The following SSBP2 variants were observed in gnomAD, a reference collection of about 807,000 sequenced individuals.
SSBP2 encodes single-stranded DNA-binding protein 2.
SSBP2 carries 17 observed loss-of-function variants against 61.8 expected under a neutral mutation model. The ratio of observed to expected loss-of-function variants is 0.28; its 90% CI spans 0.19 to 0.41. The LOEUF (loss-of-function observed/expected upper bound fraction) is 0.41. Ranked by LOEUF, SSBP2 falls within the 10% of genes least tolerant of loss-of-function variation. The probability of loss-of-function intolerance (pLI) is 1.00; values close to 1 mark genes in which losing one functional copy is unlikely to be tolerated. For synonymous variants in SSBP2, 139 were observed against 141.3 expected (o/e 0.98, Z 0.12); for missense variants, 310 against 458.7 (o/e 0.68, Z 2.96).
intron 4 of SSBP2, among the ~76,000 whole-genome samples, chr5:81,520,470 T>G (rs141086496): frequency 1.3e-5 from 2 of 152,238 alleles, no homozygotes; most frequent in Admixed American, 1.3e-4. Context: ...ATTCAATGAT[T>G]TACGAAAAAA....
At chr5:81,671,464 AT>A (rs758524532) in intron 1 of SSBP2, among the ~76,000 whole-genome samples, 4 of 152,136 alleles carry the variant, frequency 2.6e-5, no homozygotes, top group Admixed American at 6.6e-5. Flanking sequence ...CTAATTCAGA[AT>A]TTGTGGCAAT....
intron 2 of SSBP2, among the ~76,000 whole-genome samples, chr5:81,638,266 G>GA (rs909308692): frequency 2.5e-4 from 36 of 145,992 alleles, no homozygotes; most frequent in Admixed American, 4.7e-4. Flanking sequence ...TAATAAATTT[G>GA]AAAAAAAAGG....
intron 4 of SSBP2, among the ~76,000 whole-genome samples, chr5:81,533,839 G>A (rs1393819873): frequency 6.6e-6 from 1 of 152,064 alleles, no homozygotes; most frequent in Non-Finnish European, 1.5e-5. Context: ...AATAATTCTA[G>A]GGTAACTCAG....
intron 4 of SSBP2, among the ~76,000 whole-genome samples, chr5:81,570,629 TG>T (rs1355684041): frequency 6.6e-6 from 1 of 152,176 alleles, no homozygotes; most frequent in Non-Finnish European, 1.5e-5. Context: ...CGCCTGGACT[TG>T]AACCCACTTC....
In SSBP2 at chr5:81,653,101, C is replaced by G. The variant is rs143646525; in HGVS notation, c.63-2762G>C. 7.1e-3 allele frequency among the ~76,000 whole-genome samples: 1,074 copies of G among 152,186 alleles called. 30 individuals carry two copies. The highest frequency in any genetic ancestry group is 0.045 in the East Asian group (235 of 5,174). On this transcript the variant is annotated intron_variant, in intron 1 of 16. Coordinates refer to ENST00000320672, the MANE Select transcript of SSBP2 (RefSeq NM_012446.5). ...TCCTAATGCTATCCCTCCCTTACCC[C>G]CTCACCCACCGACAGGCCCCAGTGT...
At chr5:81,731,162 C>T (rs1429661918) in intron 1 of SSBP2, among the ~76,000 whole-genome samples, 3 of 152,114 alleles carry the variant, frequency 2.0e-5, no homozygotes, top group Non-Finnish European at 4.4e-5. Context: ...TCTTTGTCCA[C>T]AAAATAGAGT....
At chr5:81,459,093 ACAG>A (rs1764360996) in intron 10 of SSBP2, among the ~76,000 whole-genome samples, 1 of 152,190 alleles carries the variant, frequency 6.6e-6, no homozygotes, top group Non-Finnish European at 1.5e-5. Flanking sequence ...AGACTGGTGG[ACAG>A]CAGTTTGATG....
chr5:81,481,326 A>G (rs1302979498), intron 6 of SSBP2, among the ~76,000 whole-genome samples: 1 of 152,162 alleles, frequency 6.6e-6, no homozygotes, highest in Non-Finnish European at 1.5e-5. Context: ...TATATTTCTT[A>G]AATAGTAAGA....
chr5:81,689,307 A>C (rs962713814), intron 1 of SSBP2, among the ~76,000 whole-genome samples: 10 of 152,206 alleles, frequency 6.6e-5, no homozygotes, highest in African/African-American at 2.2e-4. Flanking sequence ...GAGACTATTC[A>C]AAGGAATAAT....
chr5:81,733,707 T>G (rs2153999455), intron 1 of SSBP2, among the ~76,000 whole-genome samples: 2 of 152,288 alleles, frequency 1.3e-5, no homozygotes, highest in South Asian at 4.1e-4. Context: ...CTCACCTTGA[T>G]CTGACCAAAT....
intron 3 of SSBP2, among the ~76,000 whole-genome samples, chr5:81,635,775 G>A (rs1748165678): frequency 6.6e-6 from 1 of 151,848 alleles, no homozygotes; most frequent in Admixed American, 6.6e-5. Flanking sequence ...TAGTAGAGAC[G>A]GGGTTTCGCT....
chr5:81,465,207 AG>A (rs1764806223), intron 9 of SSBP2, among the ~76,000 whole-genome samples: 1 of 152,040 alleles, frequency 6.6e-6, no homozygotes, highest in African/African-American at 2.4e-5. Flanking sequence ...TAAGGCTTAA[AG>A]GTTCTTTACA....
chr5:81,542,893 C>T (rs1023943945), intron 4 of SSBP2, among the ~76,000 whole-genome samples: 1 of 148,226 alleles, frequency 6.7e-6, no homozygotes, highest in Non-Finnish European at 1.5e-5. Context: ...CTGGCTCTGT[C>T]GGCCAGGCTG....
In SSBP2 at chr5:81,751,008, A is replaced by ACGGCGC; in HGVS notation, c.29_34dup (p.Ala11_Val12insGlyAla). ...CTCCCGGGCCTGGCTGTCGGACGGG[A>ACGGCGC]CGGCGCTGCTGTTACTCTTGCCTTT... On this transcript the variant is annotated inframe_insertion, in exon 1 of 17. Coordinates refer to ENST00000320672, the MANE Select transcript of SSBP2 (RefSeq NM_012446.5). 6.3e-7 allele frequency: 1 copy of ACGGCGC among 1,599,380 alleles called. No individual in the cohort carries two copies. The highest frequency in any genetic ancestry group is 1.7e-4 in the Middle Eastern group (1 of 6,046).
intron 4 of SSBP2, among the ~76,000 whole-genome samples, chr5:81,607,060 T>C (rs1271466293): frequency 6.6e-6 from 1 of 152,318 alleles, no homozygotes; most frequent in East Asian, 1.9e-4. Context: ...GTAAAGAAGA[T>C]AGAAGTCATT....
At chr5:81,463,970 T>C (rs1201927615) in intron 9 of SSBP2, among the ~76,000 whole-genome samples, 1 of 152,052 alleles carries the variant, frequency 6.6e-6, no homozygotes, top group Admixed American at 6.6e-5. Flanking sequence ...GGTCTCCCTA[T>C]GTTGCCCAGG....
At chr5:81,444,845 A>G (rs6872634) in intron 12 of SSBP2, among the ~76,000 whole-genome samples, 69,358 of 151,488 alleles carry the variant, frequency 0.46, 19,526 homozygotes, top group African/African-American at 0.8. Context: ...ATTTATGGCC[A>G]GGCGAGGTGG....
At chr5:81,535,540 A>G (rs2154111286) in intron 4 of SSBP2, among the ~76,000 whole-genome samples, 1 of 152,228 alleles carries the variant, frequency 6.6e-6, no homozygotes, top group East Asian at 1.9e-4. Context: ...ATAATACGGT[A>G]TTGGAAGGAA....
chr5:81,471,836 T>C (rs6866727), intron 8 of SSBP2, among the ~76,000 whole-genome samples: 38,446 of 151,694 alleles, frequency 0.25, 5,096 homozygotes, highest in Non-Finnish European at 0.28. Flanking sequence ...GTTTTTTTTT[T>C]CCTATAATAT....
Sources: allele counts gnomAD v4.1 joint callset (sites outside exome capture counted in the v4.1 genomes callset), GRCh38; gene constraint gnomAD v4.1.1; transcripts MANE v1.5; gene names NCBI Gene and HGNC (gene_info 2026-07-23, HGNC 2026-07-21).